NAALADL2: variants seen among roughly 807,000 people sequenced by gnomAD.
The protein encoded by NAALADL2 is inactive N-acetylated-alpha-linked acidic dipeptidase-like protein 2.
A neutral mutation model predicts 87.2 loss-of-function variants in NAALADL2; 76 were observed. That is an observed-to-expected ratio of 0.87 (90% CI 0.72 to 1.05). NAALADL2 has a LOEUF of 1.05. NAALADL2 is among the 50% of genes least tolerant of loss of function. The probability of loss-of-function intolerance (pLI) is 0.00; values close to 1 mark genes in which losing one functional copy is unlikely to be tolerated. For synonymous variants in NAALADL2, 354 were observed against 331.0 expected, an observed-to-expected ratio of 1.07 and a Z score of -0.75; for missense variants, 1,089 against 945.8, an observed-to-expected ratio of 1.15 and a Z score of -1.99.
intron 9 of NAALADL2, among the ~76,000 whole-genome samples, chr3:175,573,694 C>G (rs1262550709): frequency 2.0e-5 from 3 of 152,160 alleles, no homozygotes; most frequent in African/African-American, 7.2e-5. Context: ...ATTCAAGACC[C>G]TCTCTAAACT....
At chr3:175,726,949 T>C (rs1743015143) in intron 11 of NAALADL2, among the ~76,000 whole-genome samples, 1 of 152,154 alleles carries the variant, frequency 6.6e-6, no homozygotes. Context: ...GCCCTGGTGT[T>C]GGGAGGTGTT....
intron 11 of NAALADL2, among the ~76,000 whole-genome samples, chr3:175,726,262 CAA>C (rs58311186): frequency 4.4e-4 from 58 of 131,298 alleles, no homozygotes; most frequent in Non-Finnish European, 4.1e-4. Context: ...TACATTTGAC[CAA>C]AAAAAAAAAA....
chr3:174,948,757 T>G (rs1739875158), intron 1 of NAALADL2, among the ~76,000 whole-genome samples: 1 of 152,200 alleles, frequency 6.6e-6, no homozygotes, highest in Admixed American at 6.5e-5. Context: ...TAGGGCTGTC[T>G]GCACTGATGT....
chr3:175,290,221 C>T (rs1403380439), intron 4 of NAALADL2, among the ~76,000 whole-genome samples: 2 of 152,114 alleles, frequency 1.3e-5, no homozygotes, highest in East Asian at 3.9e-4. Context: ...AAAATGAAAA[C>T]ATAGCAGCTT....
At chr3:175,148,512 C>T (rs866146522) in intron 2 of NAALADL2, among the ~76,000 whole-genome samples, 2 of 152,116 alleles carry the variant, frequency 1.3e-5, no homozygotes, top group South Asian at 4.1e-4. Context: ...TAAATTTTTT[C>T]CCAACGCCCA....
intron 3 of NAALADL2, among the ~76,000 whole-genome samples, chr3:175,250,594 C>A (rs1327868456): frequency 6.6e-6 from 1 of 152,132 alleles, no homozygotes; most frequent in Non-Finnish European, 1.5e-5. Flanking sequence ...GTGTCTTTCT[C>A]TAGTGGCCAC....
At chr3:175,268,447 A>G in intron 4 of NAALADL2, among the ~76,000 whole-genome samples, 1 of 152,156 alleles carries the variant, frequency 6.6e-6, no homozygotes, top group African/African-American at 2.4e-5. Flanking sequence ...AAGGCCTAGG[A>G]CCTTATTAAA....
intron 2 of NAALADL2, among the ~76,000 whole-genome samples, chr3:175,110,594 C>G: frequency 6.6e-6 from 1 of 151,654 alleles, no homozygotes; most frequent in Non-Finnish European, 1.5e-5. Context: ...AGTGGTACTT[C>G]TGTGGTAATC....
intron 2 of NAALADL2, among the ~76,000 whole-genome samples, chr3:175,169,757 A>G (rs983811507): frequency 2.6e-5 from 4 of 151,804 alleles, no homozygotes; most frequent in African/African-American, 7.2e-5. Flanking sequence ...GACTTTGATG[A>G]TAGCTATTTT....
chr3:175,360,389 G>A (rs1275410232), intron 5 of NAALADL2, among the ~76,000 whole-genome samples: 1 of 151,966 alleles, frequency 6.6e-6, no homozygotes, highest in Non-Finnish European at 1.5e-5. Flanking sequence ...TGAAGATATT[G>A]AAGCATGTTT....
intron 1 of NAALADL2, among the ~76,000 whole-genome samples, chr3:174,507,454 G>T (rs116391047): frequency 0.021 from 3,173 of 151,722 alleles, 49 homozygotes; most frequent in Non-Finnish European, 0.032. Context: ...TCTTATTTTT[G>T]TAATCACCCT....
chr3:175,704,118 A>G (rs1185593524), intron 11 of NAALADL2, among the ~76,000 whole-genome samples: 1 of 152,150 alleles, frequency 6.6e-6, no homozygotes, highest in Non-Finnish European at 1.5e-5. Context: ...AGACTCTCTG[A>G]AATTCTTCTG....
chr3:174,851,606 G>A (rs183121640), intron 3 of NAALADL2, among the ~76,000 whole-genome samples: 11 of 152,044 alleles, frequency 7.2e-5, no homozygotes, highest in African/African-American at 2.6e-4. Context: ...AATAAATAAT[G>A]GGATCAAAGC....
intron 1 of NAALADL2, among the ~76,000 whole-genome samples, chr3:174,538,560 A>C (rs2108459167): frequency 6.6e-6 from 1 of 152,286 alleles, no homozygotes; most frequent in African/African-American, 2.4e-5. Flanking sequence ...AGGGGAAAGG[A>C]AAAAAGACCT....
chr3:175,717,130 G>T (rs1171545482), intron 11 of NAALADL2, among the ~76,000 whole-genome samples: 1 of 152,148 alleles, frequency 6.6e-6, no homozygotes, highest in Non-Finnish European at 1.5e-5. Context: ...AATTTGCACA[G>T]AGAACAGCCT....
intron 1 of NAALADL2, among the ~76,000 whole-genome samples, chr3:174,922,519 G>T (rs1188541730): frequency 6.6e-6 from 1 of 152,018 alleles, no homozygotes; most frequent in Non-Finnish European, 1.5e-5. Context: ...CTAAACCACA[G>T]CTCTAATTTG....
intron 5 of NAALADL2, among the ~76,000 whole-genome samples, chr3:175,349,256 A>T (rs1297695401): frequency 6.6e-6 from 1 of 151,660 alleles, no homozygotes; most frequent in Non-Finnish European, 1.5e-5. Context: ...TGTTCCAGAG[A>T]CTGAGGAAAG....
chr3:174,938,864 G>C (rs1738125575), intron 1 of NAALADL2, among the ~76,000 whole-genome samples: 1 of 151,848 alleles, frequency 6.6e-6, no homozygotes, highest in South Asian at 2.1e-4. Flanking sequence ...TTTTTAATGA[G>C]GTTGTTTGTT....
At chr3:175,119,966 G>A (rs1029942943) in intron 2 of NAALADL2, among the ~76,000 whole-genome samples, 1 of 150,210 alleles carries the variant, frequency 6.7e-6, no homozygotes, top group African/African-American at 2.4e-5. Context: ...GGTGAGAGGG[G>A]AAAGGCCGGT....
Sources: gnomAD v4.1 joint callset for allele counts (sites outside exome capture counted in the v4.1 genomes callset) on GRCh38, gnomAD v4.1.1 for gene constraint, MANE v1.5 for transcripts, NCBI Gene and HGNC (gene_info 2026-07-23, HGNC 2026-07-21) for gene names.